LRRIQ3: variants seen among roughly 807,000 people sequenced by gnomAD.
LRRIQ3 encodes the protein leucine-rich repeat and IQ domain-containing protein 3.
Under a neutral mutation model 59.3 loss-of-function variants are expected in LRRIQ3, and 75 were observed. The observed-to-expected ratio is 1.26, with a 90% CI of 1.05 to 1.53. LRRIQ3 has a LOEUF of 1.53. LRRIQ3 is among the 40% of genes most tolerant of loss of function. The pLI is 0.00. For synonymous variants in LRRIQ3, 250 were observed against 231.3 expected (o/e 1.08, Z -0.73); for missense variants, 831 against 710.0 (o/e 1.17, Z -1.94).
chr1:74,047,175 A>G (rs749133896), intron 6 of LRRIQ3, among the ~76,000 whole-genome samples: 2 of 152,170 alleles, frequency 1.3e-5, no homozygotes, highest in African/African-American at 2.4e-5. Context: ...CACTATAGGA[A>G]AGACTTGGAA....
intron 5 of LRRIQ3, among the ~76,000 whole-genome samples, chr1:74,105,596 C>T (rs1646600662): frequency 6.6e-6 from 1 of 151,572 alleles, no homozygotes. Flanking sequence ...ATTTTTGAGT[C>T]CTTATTAAAA....
chr1:74,123,302 A>G (rs943153401), intron 4 of LRRIQ3, among the ~76,000 whole-genome samples: 4 of 152,186 alleles, frequency 2.6e-5, no homozygotes, highest in Middle Eastern at 3.4e-3. Context: ...TGTTTTACAA[A>G]CAATCCACAC....
In LRRIQ3 at chr1:74,059,620, A is replaced by G. The variant is rs1279917972; in HGVS notation, c.997+15041T>C. 3.3e-5 allele frequency among the ~76,000 whole-genome samples: 5 copies of G among 152,212 alleles called. No homozygotes were observed. The East Asian group carries it at 9.7e-4, about 29-fold the overall frequency. ...ACTGTAGCTTTGCAGTAAGTTTCAA[A>G]TCAGGAACTGTGAGTTCTTCAAATT... On this transcript the variant is annotated intron_variant, in intron 6 of 7. Coordinates refer to ENST00000354431, the MANE Select transcript of LRRIQ3 (RefSeq NM_001105659.2).
chr1:74,153,720 T>C (rs1648127287), intron 4 of LRRIQ3, among the ~76,000 whole-genome samples: 1 of 152,170 alleles, frequency 6.6e-6, no homozygotes, highest in African/African-American at 2.4e-5. Flanking sequence ...TGGTAAGAGC[T>C]TGTGATAATA....
At chr1:74,089,629 C>T (rs1010514484) in intron 5 of LRRIQ3, among the ~76,000 whole-genome samples, 3 of 151,810 alleles carry the variant, frequency 2.0e-5, no homozygotes, top group African/African-American at 7.3e-5. Context: ...ATATTAAATG[C>T]CAAGAATAGA....
intron 3 of LRRIQ3, among the ~76,000 whole-genome samples, chr1:74,170,476 T>A (rs1230823117): frequency 6.6e-6 from 1 of 152,150 alleles, no homozygotes; most frequent in Non-Finnish European, 1.5e-5. Flanking sequence ...GTTGAACATA[T>A]ATCCATGGGT....
chr1:74,187,344 G>A (rs12129022), intron 1 of LRRIQ3, among the ~76,000 whole-genome samples: 2 of 126,292 alleles, frequency 1.6e-5, no homozygotes, highest in African/African-American at 5.6e-5. Flanking sequence ...ATATATATAG[G>A]TATATGTTTA....
At chr1:74,195,952 A>C (rs990188837) in intron 1 of LRRIQ3, among the ~76,000 whole-genome samples, 13 of 152,064 alleles carry the variant, frequency 8.5e-5, no homozygotes, top group African/African-American at 3.1e-4. Context: ...TGCCTCCAAC[A>C]ATCAACTGCC....
At chr1:74,191,697 T>C (rs1313860575) in intron 1 of LRRIQ3, among the ~76,000 whole-genome samples, 1 of 152,060 alleles carries the variant, frequency 6.6e-6, no homozygotes, top group Non-Finnish European at 1.5e-5. Context: ...AAGTAACACA[T>C]AGGTCAATAA....
intron 4 of LRRIQ3, among the ~76,000 whole-genome samples, chr1:74,138,183 A>G (rs966800506): frequency 6.6e-6 from 1 of 151,818 alleles, no homozygotes; most frequent in Non-Finnish European, 1.5e-5. Context: ...AAACAAAAAA[A>G]CAAGGCCCTG....
At chr1:74,172,193 G>C (rs1649365377) in intron 3 of LRRIQ3, among the ~76,000 whole-genome samples, 1 of 151,962 alleles carries the variant, frequency 6.6e-6, no homozygotes, top group Non-Finnish European at 1.5e-5. Context: ...AGTTGGTTGA[G>C]ATCATTTTTT....
chr1:74,063,201 G>A (rs1176648772), intron 6 of LRRIQ3, among the ~76,000 whole-genome samples: 3 of 151,266 alleles, frequency 2.0e-5, no homozygotes, highest in Non-Finnish European at 4.4e-5. Flanking sequence ...ATATTTGTGA[G>A]ATTTCAAAAT....
chr1:74,049,352 A>G (rs1654294974), intron 6 of LRRIQ3, among the ~76,000 whole-genome samples: 1 of 152,324 alleles, frequency 6.6e-6, no homozygotes, highest in Non-Finnish European at 1.5e-5. Flanking sequence ...CATGAAGACA[A>G]TGGATTTGAA....
intron 7 of LRRIQ3, among the ~76,000 whole-genome samples, chr1:74,036,990 GA>G (rs1223408905): frequency 1.3e-5 from 2 of 152,058 alleles, no homozygotes; most frequent in Admixed American, 6.5e-5. Flanking sequence ...AAAGCATTTA[GA>G]AAAAATATAC....
intron 5 of LRRIQ3, among the ~76,000 whole-genome samples, chr1:74,093,392 A>G (rs1646414699): frequency 6.6e-6 from 1 of 152,106 alleles, no homozygotes; most frequent in South Asian, 2.1e-4. Flanking sequence ...GGTAACTGCT[A>G]TGGGGGCAGA....
At chr1:74,037,517 A>C (rs1653907297) in intron 7 of LRRIQ3, among the ~76,000 whole-genome samples, 1 of 152,102 alleles carries the variant, frequency 6.6e-6, no homozygotes, top group African/African-American at 2.4e-5. Context: ...GGACGCTTGT[A>C]ATCCCATACT....
intron 4 of LRRIQ3, among the ~76,000 whole-genome samples, chr1:74,136,318 T>C (rs1441308564): frequency 6.6e-6 from 1 of 151,882 alleles, no homozygotes; most frequent in Admixed American, 6.6e-5. Context: ...ATAGAAATAA[T>C]ACCAATCTTT....
chr1:74,138,245 G>C (rs1006475770), intron 4 of LRRIQ3, among the ~76,000 whole-genome samples: 2 of 151,654 alleles, frequency 1.3e-5, no homozygotes, highest in African/African-American at 4.8e-5. Flanking sequence ...GTATGGGGTA[G>C]AGGTCAGTAC....
At chr1:74,171,751 A>T (rs1649334831) in intron 3 of LRRIQ3, among the ~76,000 whole-genome samples, 1 of 152,082 alleles carries the variant, frequency 6.6e-6, no homozygotes, top group Non-Finnish European at 1.5e-5. Context: ...AAGCCATCTG[A>T]CCCTGGACTT....
Sources: gnomAD v4.1 joint callset for allele counts (sites outside exome capture counted in the v4.1 genomes callset) on GRCh38, gnomAD v4.1.1 for gene constraint, MANE v1.5 for transcripts, NCBI Gene and HGNC (gene_info 2026-07-23, HGNC 2026-07-21) for gene names.